UBE2A: variants seen among roughly 807,000 people sequenced by gnomAD.
The protein encoded by UBE2A is ubiquitin-conjugating enzyme E2 A.
For missense variants in UBE2A, 27 were observed against 125.8 expected (o/e 0.21, Z 3.76); for synonymous variants, 39 against 41.1 (o/e 0.95, Z 0.20).
intron 3 of UBE2A, chrX:119,580,995 C>G (rs528377741): frequency 8.9e-6 from 1 of 112,227 alleles, no homozygotes; most frequent in Non-Finnish European, 1.9e-5. Context: ...GTCACTATGA[C>G]ATGAAAAGGA....
chrX:119,577,629 T>A (rs1044457260), intron 3 of UBE2A, among the ~76,000 whole-genome samples: 1 of 90,421 alleles, frequency 1.1e-5, no homozygotes, highest in East Asian at 3.5e-4. Context: ...ACAAAAAAAA[T>A]TTTAGCTTTT....
intron 2 of UBE2A, 86 bp downstream of exon 2, chrX:119,575,067 C>G (rs934849110): frequency 1.8e-6 from 2 of 1,111,776 alleles, no homozygotes; most frequent in East Asian, 6.0e-5. Context: ...CCCGCGGAGG[C>G]CGAGCGGGTA....
At position 119,583,165 on chromosome X, in the gene UBE2A, C is replaced by T. The variant is rs1240561440; in HGVS notation, c.369C>T (p.Asn123=). ...LDEPNPNSPA[N]SQAAQLYQEN... ...AACCCAATCCCAATAGTCCAGCAAA[C>T]AGCCAGGCTGCTCAGCTGTACCAGG... The change falls in exon 6 of 6, where the codon AAC becomes AAT. Residue 123 remains asparagine (N), a synonymous_variant. Coordinates refer to ENST00000371558, the MANE Select transcript of UBE2A (RefSeq NM_003336.4). 8.3e-7 allele frequency: 1 copy of T among 1,209,753 alleles called. No homozygotes were observed. The highest frequency in any genetic ancestry group is 2.2e-5 in the Admixed American group (1 of 45,649).
intron 3 of UBE2A, 78 bp downstream of exon 3, chrX:119,575,478 C>T: frequency 8.5e-7 from 1 of 1,171,251 alleles, no homozygotes; most frequent in Non-Finnish European, 1.2e-6. Context: ...CTGGAAGTGT[C>T]TCCTGCTTAG....
At chrX:119,578,168 C>T (rs1220281438) in intron 3 of UBE2A, among the ~76,000 whole-genome samples, 2 of 111,787 alleles carry the variant, frequency 1.8e-5, no homozygotes, top group Admixed American at 9.5e-5. Context: ...ACAAGCAACA[C>T]TTAAGGGTAT....
intron 1 of UBE2A, 27 bp from the exon 2 acceptor site, chrX:119,574,873 AG>A (rs1326879996): frequency 8.3e-7 from 1 of 1,209,030 alleles, no homozygotes; most frequent in African/African-American, 1.7e-5. Flanking sequence ...GTGCCGGCCT[AG>A]GGGGACCCCT....
intron 4 of UBE2A, among the ~76,000 whole-genome samples, chrX:119,582,054 T>G (rs2053454289): frequency 8.9e-6 from 1 of 112,632 alleles, no homozygotes; most frequent in Non-Finnish European, 1.9e-5. Context: ...GCATACGGTA[T>G]TGTCAGAAAA....
At chrX:119,581,686 G>A in intron 4 of UBE2A, 90 bp downstream of exon 4, 2 of 753,957 alleles carry the variant, frequency 2.7e-6, no homozygotes, top group Admixed American at 2.4e-5. Flanking sequence ...TGGTGCCTGA[G>A]TATTTGTTTA....
At chrX:119,575,473 A>G in intron 3 of UBE2A, 73 bp downstream of exon 3, 1 of 1,177,390 alleles carries the variant, frequency 8.5e-7, no homozygotes, top group Non-Finnish European at 1.2e-6. Context: ...TCATCCTGGA[A>G]GTGTCTCCTG....
At chrX:119,580,755 AATTTC>A (rs1258020912) in intron 3 of UBE2A, 7 of 112,332 alleles carry the variant, frequency 6.2e-5, no homozygotes, top group African/African-American at 2.3e-4. Flanking sequence ...TAAGAAAAAT[AATTTC>A]ATTTCAATAG....
At chrX:119,577,389 A>T (rs1005786303) in intron 3 of UBE2A, among the ~76,000 whole-genome samples, 11 of 111,234 alleles carry the variant, frequency 9.9e-5, no homozygotes, top group African/African-American at 3.3e-4. Context: ...TGGCTACCTA[A>T]ATATTTCAAG....
intron 3 of UBE2A, among the ~76,000 whole-genome samples, chrX:119,575,948 G>C (rs2053413218): frequency 8.9e-6 from 1 of 111,994 alleles, no homozygotes; most frequent in African/African-American, 3.3e-5. Flanking sequence ...TGCCTCATTT[G>C]AGTACAGTAT....
At chrX:119,575,334 G>T in intron 2 of UBE2A, 41 bp from the exon 3 acceptor site, 1 of 1,211,269 alleles carries the variant, frequency 8.3e-7, no homozygotes. Context: ...GGAGAAGGGG[G>T]CCCCTTAAGT....
In UBE2A at chrX:119,575,604, TA is replaced by T. The variant is rs56726502; in HGVS notation, c.151+214del. Reference sequence around the variant, plus strand: ...AACTGCACCTTTCTTCTTGCTTTCTTAAAAAAAAAATCTGTGTAAGGCAGTC... The same window carrying T: ...AACTGCACCTTTCTTCTTGCTTTCTTAAAAAAAAATCTGTGTAAGGCAGTC... On this transcript the variant is annotated intron_variant, in intron 3 of 5. Transcript: ENST00000371558. 6.7e-4 allele frequency: 259 copies of T among 383,882 alleles called. 1 individual carries two copies. The highest frequency in any genetic ancestry group is 7.0e-4 in the South Asian group (16 of 22,818). 31.6% of individuals were successfully genotyped at this position (383,882 alleles called of 1,213,427 possible).
In UBE2A at chrX:119,583,425, C is replaced by G. The variant is rs921531653; in HGVS notation, c.*170C>G. On this transcript the variant is annotated 3_prime_UTR_variant, in exon 6 of 6. Coordinates refer to ENST00000371558, the MANE Select transcript of UBE2A (RefSeq NM_003336.4). ...CCCCTTCTACCCTCTCCTTAAACAT[C>G]AGAAAACACCCTCTATGAAATCAAA... The G allele has an allele frequency of 8.0e-6, 5 of 622,605 alleles. No homozygotes were observed. Among genetic ancestry groups the G allele is most frequent in the Non-Finnish European group, 1.2e-5 (5 of 409,166 alleles). 51.3% of individuals were successfully genotyped at this position (622,605 alleles called of 1,213,427 possible).
rs1247073428 is a variant in UBE2A, at chrX:119,583,376, C to T, written c.*121C>T. On this transcript the variant is annotated 3_prime_UTR_variant, in exon 6 of 6. Transcript: ENST00000371558. ...AGCAAAATAACTGTTGTGCTGTTTC[C>T]ATCTTCCTTGCCAAGTTTTCCTACC... 4 of 1,068,130 alleles carry T rather than the reference C, an allele frequency of 3.7e-6. No homozygotes were observed. Among genetic ancestry groups the T allele is most frequent in the African/African-American group, 3.7e-5 (2 of 54,308 alleles). The allele number at this position is 1,068,130 out of a possible 1,213,427, so 88.0% of individuals were successfully genotyped here. A position where few individuals can be genotyped will look rare whatever the true frequency, so the allele number is the denominator to read the frequency against.
At chrX:119,580,502 A>AT (rs2053443220) in intron 3 of UBE2A, 1 of 112,645 alleles carries the variant, frequency 8.9e-6, no homozygotes, top group African/African-American at 3.2e-5. Flanking sequence ...GCATCACCTT[A>AT]TACCATATAG....
At chrX:119,575,464 C>T in intron 3 of UBE2A, 64 bp downstream of exon 3, 6 of 1,190,737 alleles carry the variant, frequency 5.0e-6, no homozygotes, top group Non-Finnish European at 6.8e-6. Context: ...GGTTCCCAGT[C>T]ATCCTGGAAG....
chrX:119,575,566 T>C, intron 3 of UBE2A, 166 bp downstream of exon 3: 1 of 590,312 alleles, frequency 1.7e-6, no homozygotes, highest in South Asian at 2.7e-5. Flanking sequence ...CTGGATATTG[T>C]ATGCTTGACT....
Sources: gnomAD v4.1 joint callset for allele counts (sites outside exome capture counted in the v4.1 genomes callset) on GRCh38, gnomAD v4.1.1 for gene constraint, MANE v1.5 for transcripts, NCBI Gene and HGNC (gene_info 2026-07-23, HGNC 2026-07-21) for gene names.